Variants in OTUD7B observed in about 807,000 individuals in gnomAD.
The protein encoded by OTUD7B is OTU domain-containing protein 7B.
OTUD7B carries 34 observed loss-of-function variants against 82.2 expected under a neutral mutation model. That is an observed-to-expected ratio of 0.41 (90% confidence interval 0.31 to 0.55). OTUD7B has a LOEUF of 0.55. OTUD7B is among the 20% of genes least tolerant of loss of function. OTUD7B has a pLI of 0.20. For synonymous variants in OTUD7B, 398 were observed against 402.7 expected (o/e 0.99, Z 0.14); for missense variants, 944 against 1,062.1 (o/e 0.89, Z 1.55).
chr1:149,967,322 C>T lies in OTUD7B; in HGVS notation c.474G>A (p.Gln158=), dbSNP rs71622670. 47,695 of 1,613,838 alleles carry T rather than the reference C, an allele frequency of 0.03. 894 individuals carry two copies. The highest frequency in any genetic ancestry group is 0.034 in the Non-Finnish European group (40,648 of 1,179,784). Residue 158 remains glutamine, a synonymous_variant, in exon 4 of 12, where the codon CAG becomes CAA. Coordinates refer to ENST00000581312, the MANE Select transcript of OTUD7B (RefSeq NM_020205.4). ...CCTGTTCCAAGGCAACCAGCATGGACTGCTCAATGAGGTCTCTCTCTATGA... is the reference window on the plus strand; with the variant it reads ...CCTGTTCCAAGGCAACCAGCATGGATTGCTCAATGAGGTCTCTCTCTATGA... ...RSFIERDLIE[Q]SMLVALEQAG... is the part of the protein sequence containing the mutation.
chr1:149,974,956 C>T (rs1275445865), intron 2 of OTUD7B, among the ~76,000 whole-genome samples: 3 of 151,980 alleles, frequency 2.0e-5, no homozygotes, highest in Non-Finnish European at 4.4e-5. Context: ...CCTCAGCCTC[C>T]CAGGTAGCTG....
At chr1:150,054,947 A>T in the OTUD7B span, 1 of 315,870 alleles carries the variant, frequency 3.2e-6, no homozygotes. Flanking sequence ...ATTTTAACCA[A>T]AATCAAAGCT....
intron 1 of OTUD7B, among the ~76,000 whole-genome samples, chr1:150,000,189 T>A (rs976089976): frequency 1.3e-5 from 2 of 152,126 alleles, no homozygotes; most frequent in South Asian, 4.1e-4. Context: ...ACAGGGCAAG[T>A]GGGAGCTGGG....
the OTUD7B span, among the ~76,000 whole-genome samples, chr1:150,055,830 TGATGA>T: frequency 6.6e-6 from 1 of 152,108 alleles, no homozygotes; most frequent in Admixed American, 6.6e-5. Flanking sequence ...AGAAGCTAAA[TGATGA>T]GAACTAATGA....
chr1:150,056,517 A>G, the OTUD7B span, among the ~76,000 whole-genome samples: 2 of 152,186 alleles, frequency 1.3e-5, no homozygotes, highest in African/African-American at 4.8e-5. Flanking sequence ...TACTTGTATT[A>G]TCTCAATTCT....
chr1:149,945,115 G>C, intron 11 of OTUD7B, 50 bp from the exon 12 acceptor site: 3 of 1,572,772 alleles, frequency 1.9e-6, no homozygotes, highest in Non-Finnish European at 2.6e-6. Flanking sequence ...GCCTGGGGTG[G>C]GGGAATCCCC....
chr1:149,982,065 C>G (rs1650774706), intron 1 of OTUD7B, among the ~76,000 whole-genome samples: 1 of 152,082 alleles, frequency 6.6e-6, no homozygotes, highest in African/African-American at 2.4e-5. Flanking sequence ...AGGAGAATGA[C>G]GTGAACCCGG....
chr1:150,053,560 C>T, the OTUD7B span, among the ~76,000 whole-genome samples: 5 of 152,124 alleles, frequency 3.3e-5, no homozygotes, highest in Middle Eastern at 3.4e-3. Flanking sequence ...CCATGCCTGG[C>T]TAATTTTGCA....
chr1:149,966,258 C>G (rs1014903164), intron 4 of OTUD7B, among the ~76,000 whole-genome samples: 3 of 152,134 alleles, frequency 2.0e-5, no homozygotes, highest in Non-Finnish European at 4.4e-5. Context: ...GTCAATAGTG[C>G]CAAGGTTGAG....
the OTUD7B span, among the ~76,000 whole-genome samples, chr1:150,035,509 G>A: frequency 6.6e-6 from 1 of 152,170 alleles, no homozygotes; most frequent in African/African-American, 2.4e-5. Flanking sequence ...CAGCTGCCTG[G>A]GTTCCAGTCT....
chr1:149,976,633 A>AAAAT (rs1176193849), intron 2 of OTUD7B, among the ~76,000 whole-genome samples: 8,375 of 102,570 alleles, frequency 0.082, 1,402 homozygotes, highest in Non-Finnish European at 0.094. Context: ...AAAAAAAAAT[A>AAAAT]CTAGAACATT....
chr1:149,981,958 G>A (rs1336494171), intron 1 of OTUD7B, among the ~76,000 whole-genome samples: 3 of 152,110 alleles, frequency 2.0e-5, no homozygotes, highest in Non-Finnish European at 4.4e-5. Flanking sequence ...GACCATCCTG[G>A]CTAACACGGT....
chr1:150,064,430 G>A, the OTUD7B span, among the ~76,000 whole-genome samples: 1 of 151,862 alleles, frequency 6.6e-6, no homozygotes, highest in Non-Finnish European at 1.5e-5. Flanking sequence ...GGAGTGCAGT[G>A]GCATGAACAT....
chr1:150,018,838 T>C, the OTUD7B span, among the ~76,000 whole-genome samples: 3 of 152,214 alleles, frequency 2.0e-5, no homozygotes, highest in South Asian at 6.2e-4. Flanking sequence ...CTTGGTTTCC[T>C]ACTTCCTACA....
intron 6 of OTUD7B, among the ~76,000 whole-genome samples, chr1:149,960,583 C>T (rs1649087585): frequency 6.6e-6 from 1 of 151,574 alleles, no homozygotes; most frequent in Non-Finnish European, 1.5e-5. Context: ...GGGCTTTCCC[C>T]ATGTTGGCCA....
the OTUD7B span, among the ~76,000 whole-genome samples, chr1:150,026,635 C>T: frequency 3.6e-4 from 55 of 152,202 alleles, 1 homozygote; most frequent in East Asian, 3.9e-4. Flanking sequence ...GAATTTTTCT[C>T]GGGTTACAAG....
intron 1 of OTUD7B, among the ~76,000 whole-genome samples, chr1:150,010,160 A>AG (rs1369317537): frequency 1.3e-5 from 2 of 152,112 alleles, no homozygotes; most frequent in African/African-American, 2.4e-5. Flanking sequence ...CTAGCTGACA[A>AG]GGGGGGACCG....
Position 149,948,949 on chromosome 1 carries a change from A to T in OTUD7B, c.1238+20T>A, listed in dbSNP as rs782677572. ...AGAAATCCCAGCACAAAATAGATGA[A>T]AAGACTAGGCCTGGCTTACCTGGCC... On this transcript the variant is annotated intron_variant, in intron 10 of 11. Transcript: ENST00000581312. 1 of 1,490,182 alleles carries T rather than the reference A, an allele frequency of 6.7e-7. No homozygotes were observed. Among genetic ancestry groups the T allele is most frequent in the South Asian group, 1.1e-5 (1 of 88,534 alleles). The allele number at this position is 1,490,182 out of a possible 1,614,324, so 92.3% of individuals were successfully genotyped here.
intron 2 of OTUD7B, 29 bp downstream of exon 2, chr1:149,977,396 CT>C (rs782679116): frequency 6.7e-7 from 1 of 1,494,868 alleles, no homozygotes; most frequent in African/African-American, 1.4e-5. Context: ...TTTACTTTCT[CT>C]TTTCTCATTC....
Sources: gnomAD v4.1 joint callset for allele counts (sites outside exome capture counted in the v4.1 genomes callset) on GRCh38, gnomAD v4.1.1 for gene constraint, MANE v1.5 for transcripts, NCBI Gene and HGNC (gene_info 2026-07-23, HGNC 2026-07-21) for gene names.